The following KRT31 variants were observed in gnomAD, a reference collection of about 807,000 sequenced individuals.
The protein encoded by KRT31 is keratin, type I cuticular Ha1.
Under a neutral mutation model 40.8 loss-of-function variants are expected in KRT31, and 27 were observed. That is an observed-to-expected ratio of 0.66 (90% CI 0.49 to 0.91). The LOEUF (loss-of-function observed/expected upper bound fraction) is 0.91. KRT31 is among the 40% of genes least tolerant of loss of function. The pLI, the probability that KRT31 is intolerant of heterozygous loss-of-function variation, is 0.00. For synonymous variants in KRT31, 231 were observed against 231.9 expected (o/e 1.00, Z 0.03); for missense variants, 510 against 544.1 (o/e 0.94, Z 0.62).
At position 41,397,030 on chromosome 17, in the gene KRT31, A is replaced by C. The variant is rs377012387; in HGVS notation, c.349-35T>G. On this transcript the variant is annotated intron_variant, in intron 1 of 6. Transcript: ENST00000251645. ...GAGAGGTGGCTTAGTGAGGACTGAA[A>C]ATAAATATGAAATCATCAACTTTTT... 6.9e-6 allele frequency: 11 copies of C among 1,590,446 alleles called. No homozygotes were observed. In the African/African-American group the frequency reaches 1.1e-4, roughly 16 times the overall value.
rs1441784545 is a variant in KRT31 at position 41,396,881 on chromosome 17, A to G, written c.431+32T>C. The G allele has an allele frequency of 3.9e-6, 6 of 1,539,630 alleles. No individual in the cohort carries two copies. The African/African-American group carries it at 4.1e-5, about 10-fold the overall frequency. On this transcript the variant is annotated intron_variant, in intron 2 of 6. Coordinates refer to ENST00000251645, the MANE Select transcript of KRT31 (RefSeq NM_002277.3). Reference sequence around the variant, plus strand: ...TTTCTTTAAAGATTAAACAGAAGCAATTGACACTAGTGCAAATTCCGAACA... The same window carrying G: ...TTTCTTTAAAGATTAAACAGAAGCAGTTGACACTAGTGCAAATTCCGAACA...
At chr17:41,394,743 GT>G in intron 6 of KRT31, 104 bp downstream of exon 6, 5 of 1,556,864 alleles carry the variant, frequency 3.2e-6, no homozygotes, top group Non-Finnish European at 4.4e-6. Context: ...CATGTCTAGT[GT>G]GAAGGCATAA....
At chr17:41,396,797 A>T (rs2018234584) in intron 2 of KRT31, 116 bp downstream of exon 2, 5 of 1,051,402 alleles carry the variant, frequency 4.8e-6, no homozygotes, top group Non-Finnish European at 7.1e-6. Flanking sequence ...GGTTCTCCCC[A>T]GTCCTCTGCA....
In KRT31 at chr17:41,394,063, AG is replaced by A; in HGVS notation, c.1203del (p.Cys402ValfsTer18). The A allele has an allele frequency of 1.9e-6, 3 of 1,613,602 alleles. No individual in the cohort carries two copies. Among genetic ancestry groups the A allele is most frequent in the Non-Finnish European group, 2.5e-6 (3 of 1,179,768 alleles). Reference sequence around the variant, plus strand: ...GGCCCACAGCGGGGGCGTGGGGCACAGGGTGTGCAGGGGGCAGGAGGGACAC... The same window carrying A: ...GGCCCACAGCGGGGGCGTGGGGCACAGGTGTGCAGGGGGCAGGAGGGACAC... ...TSCVPPAPCTPCAPRPRCGPC... is the reference protein window; with the variant it reads ...TSCVPPAPCTXCAPRPRCGPC... On this transcript the variant is annotated frameshift_variant, in exon 7 of 7. Transcript: ENST00000251645. LOFTEE classifies it high-confidence loss of function.
intron 4 of KRT31, 22 bp downstream of exon 4, chr17:41,395,440 G>A: frequency 1.2e-6 from 2 of 1,613,964 alleles, no homozygotes; most frequent in Non-Finnish European, 1.7e-6. Context: ...GGTCCTGAGG[G>A]GCCACGTGCT....
At position 41,395,274 on chromosome 17, in the gene KRT31, C is replaced by T. The variant is rs777942955; in HGVS notation, c.847G>A (p.Glu283Lys). Residue 283 changes from glutamate (E) to lysine (K), a missense_variant, in exon 5 of 7, where the codon GAG becomes AAG. Transcript: ENST00000251645. The part of the protein sequence containing the change: ...IELRRTVNAL[E>K]IELQAQHNLR... The stretch of plus-strand genomic sequence containing the variant: ...TTGTGCTGGGCCTGCAGCTCGATCT[C>T]CAGGGCGTTGACTGTGCGTCTCAGC... The T allele has an allele frequency of 1.2e-6, 2 of 1,612,964 alleles. No individual in the cohort carries two copies. The highest frequency in any genetic ancestry group is 1.7e-6 in the Non-Finnish European group (2 of 1,180,044).
At chr17:41,396,627 A>G (rs2018231713) in intron 2 of KRT31, 51 bp from the exon 3 acceptor site, 1 of 1,575,418 alleles carries the variant, frequency 6.3e-7, no homozygotes, top group Non-Finnish European at 8.6e-7. Context: ...CAAGACTCAC[A>G]GGAATGATTT....
At position 41,397,347 on chromosome 17, in the gene KRT31, C is replaced by A; in HGVS notation, c.193G>T (p.Asp65Tyr). ...TTCTCCAGGTAGCTGGCCAGGCGGTCGTTCAGGAACTGCATAGTCTCCTTC... is the reference window on the plus strand; with the variant it reads ...TTCTCCAGGTAGCTGGCCAGGCGGTAGTTCAGGAACTGCATAGTCTCCTTC... ...SEKETMQFLNDRLASYLEKVR... is the reference protein window; with the variant it reads ...SEKETMQFLNYRLASYLEKVR... Residue 65 changes from aspartate to tyrosine, a missense_variant, in exon 1 of 7, where the codon GAC becomes TAC. Asp to Tyr is a radical substitution (Grantham distance 160). Transcript: ENST00000251645. 6.2e-7 allele frequency: 1 copy of A among 1,613,702 alleles called. No homozygotes were observed. The highest frequency in any genetic ancestry group is 8.5e-7 in the Non-Finnish European group (1 of 1,180,044).
intron 3 of KRT31, 35 bp downstream of exon 3, chr17:41,396,385 A>G (rs1334425281): frequency 1.2e-6 from 2 of 1,602,570 alleles, no homozygotes; most frequent in East Asian, 4.5e-5. Flanking sequence ...CCAGAGGCTG[A>G]GACAGGTTTG....
intron 3 of KRT31, among the ~76,000 whole-genome samples, chr17:41,395,919 CA>C (rs764392069): frequency 6.6e-5 from 10 of 150,928 alleles, no homozygotes; most frequent in Admixed American, 5.9e-4. Flanking sequence ...CTCAGAATGC[CA>C]AAAAAAATAG....
chr17:41,394,913 A>G lies in KRT31; in HGVS notation c.1032T>C (p.Asp344=), dbSNP rs764396471. 2.4e-5 allele frequency: 38 copies of G among 1,614,066 alleles called. No homozygotes were observed. Among genetic ancestry groups the G allele is most frequent in the East Asian group, 1.3e-4 (6 of 44,894 alleles). ...RQNQEYQVLL[D]VRARLECEIN... ...TCTCACACTCCAGCCGGGCACGCACATCCAGCAGCACCTGGTACTCCTGGT... is the reference window on the plus strand; with the variant it reads ...TCTCACACTCCAGCCGGGCACGCACGTCCAGCAGCACCTGGTACTCCTGGT... The change falls in exon 6 of 7, where the codon GAT becomes GAC. Residue 344 remains aspartate, a synonymous_variant. Coordinates refer to ENST00000251645, the MANE Select transcript of KRT31 (RefSeq NM_002277.3).
rs376345126 is a variant in KRT31 at position 41,396,884 on chromosome 17, G to C, written c.431+29C>G. 8.4e-6 allele frequency: 13 copies of C among 1,539,846 alleles called. No homozygotes were observed. In the Middle Eastern group the frequency reaches 1.2e-3, roughly 141 times the overall value. On this transcript the variant is annotated intron_variant, in intron 2 of 6. Transcript: ENST00000251645. Reference sequence around the variant, plus strand: ...CTTTAAAGATTAAACAGAAGCAATTGACACTAGTGCAAATTCCGAACAACT... The same window carrying C: ...CTTTAAAGATTAAACAGAAGCAATTCACACTAGTGCAAATTCCGAACAACT...
Position 41,395,235 on chromosome 17 carries a change from C to T in KRT31, c.876+10G>A. 6.2e-7 allele frequency: 1 copy of T among 1,612,714 alleles called. No individual in the cohort carries two copies. The highest frequency in any genetic ancestry group is 8.5e-7 in the Non-Finnish European group (1 of 1,180,034). On this transcript the variant is annotated intron_variant, in intron 5 of 6. Transcript: ENST00000251645. ...CCCGTCGCTCACCAGCAGGTCTGAACAATACACACCAGGTTGTGCTGGGCC... is the reference window on the plus strand; with the variant it reads ...CCCGTCGCTCACCAGCAGGTCTGAATAATACACACCAGGTTGTGCTGGGCC...
In KRT31 at chr17:41,395,338, G is replaced by T. The variant is rs148992460; in HGVS notation, c.783C>A (p.Ser261Arg). ...CCTGGTAGGACTGCAGCTGCTCTGA[G>T]CTGGATACCACCTGCTTGTTCAGCT... ...TEELNKQVVS[S>R]SEQLQSYQAE... The change falls in exon 5 of 7, where the codon AGC becomes AGA. Residue 261 changes from serine to arginine, a missense_variant. By Grantham distance (110) the Ser-to-Arg change is moderately radical (BLOSUM62 -1). Coordinates refer to ENST00000251645, the MANE Select transcript of KRT31 (RefSeq NM_002277.3). 4.3e-6 allele frequency: 7 copies of T among 1,613,964 alleles called. No individual in the cohort carries two copies. Among genetic ancestry groups the T allele is most frequent in the Non-Finnish European group, 5.9e-6 (7 of 1,180,032 alleles).
chr17:41,394,376 C>T (rs558083090), intron 6 of KRT31, among the ~76,000 whole-genome samples: 1 of 152,262 alleles, frequency 6.6e-6, no homozygotes, highest in Non-Finnish European at 1.5e-5. Context: ...GACAGAAACT[C>T]TGAAACTCTG....
chr17:41,397,353 G>T lies in KRT31; in HGVS notation c.187C>A (p.Leu63Met). ...NGSEKETMQFLNDRLASYLEK... is the reference protein window; with the variant it reads ...NGSEKETMQFMNDRLASYLEK... ...AGGTAGCTGGCCAGGCGGTCGTTCA[G>T]GAACTGCATAGTCTCCTTCTCGCTA... Residue 63 changes from leucine (L) to methionine (M), a missense_variant, in exon 1 of 7, where the codon CTG becomes ATG. Coordinates refer to ENST00000251645, the MANE Select transcript of KRT31 (RefSeq NM_002277.3). 6.2e-7 allele frequency: 1 copy of T among 1,613,672 alleles called. No homozygotes were observed. The highest frequency in any genetic ancestry group is 8.5e-7 in the Non-Finnish European group (1 of 1,180,046).
chr17:41,394,185 TG>T lies in KRT31; in HGVS notation c.1098-17del, dbSNP rs752412787. 44 of 1,609,008 alleles carry T rather than the reference TG, an allele frequency of 2.7e-5. No homozygotes were observed. In the South Asian group the frequency reaches 4.4e-4, roughly 16 times the overall value. On this transcript the variant is annotated splice_polypyrimidine_tract_variant and intron_variant, in intron 6 of 6. Transcript: ENST00000251645. ...GCTGGGCAGACTGGAGACAAAAGAA[TG>T]ATGTGGAAAAGTGAGTTAAGGGCAA...
At chr17:41,396,808 GA>G (rs2018234694) in intron 2 of KRT31, 104 bp downstream of exon 2, 1 of 1,129,482 alleles carries the variant, frequency 8.9e-7, no homozygotes, top group East Asian at 2.4e-5. Context: ...GTCCTCTGCA[GA>G]ATCCTTCACA....
chr17:41,395,040 T>C lies in KRT31; in HGVS notation c.905A>G (p.Glu302Gly), dbSNP rs773148729. The change falls in exon 6 of 7, where the codon GAG becomes GGG. Residue 302 changes from glutamate to glycine, a missense_variant. Transcript: ENST00000251645. ...LRDSLENTLT[E>G]SEARYSSQLS... Reference sequence around the variant, plus strand: ...CTGGGAGCTGTAGCGGGCCTCACTCTCTGTCAGCGTGTTTTCCAGAGAGTC... The same window carrying C: ...CTGGGAGCTGTAGCGGGCCTCACTCCCTGTCAGCGTGTTTTCCAGAGAGTC... 4.3e-6 allele frequency: 7 copies of C among 1,614,234 alleles called. No homozygotes were observed. The highest frequency in any genetic ancestry group is 5.9e-6 in the Non-Finnish European group (7 of 1,180,038).
Sources: allele counts gnomAD v4.1 joint callset (sites outside exome capture counted in the v4.1 genomes callset), GRCh38; gene constraint gnomAD v4.1.1; transcripts MANE v1.5; gene names NCBI Gene and HGNC (gene_info 2026-07-23, HGNC 2026-07-21).